Variants in MARCHF1 observed in about 807,000 individuals in gnomAD.
MARCHF1 encodes E3 ubiquitin-protein ligase MARCHF1.
In MARCHF1, 40 loss-of-function variants were observed where a neutral mutation model predicts 54.2. The observed-to-expected ratio is 0.74, with a 90% confidence interval of 0.57 to 0.96. The LOEUF is 0.96. Among genes scored for constraint, MARCHF1 ranks in the 40% least tolerant of loss-of-function variants. MARCHF1 has a pLI of 0.00. For missense variants in MARCHF1, 586 were observed against 656.5 expected (o/e 0.89, Z 1.17); for synonymous variants, 236 against 236.3 (o/e 1.00, Z 0.01).
At chr4:164,149,224 C>A (rs537836146) in intron 1 of MARCHF1, among the ~76,000 whole-genome samples, 3 of 152,266 alleles carry the variant, frequency 2.0e-5, no homozygotes, top group African/African-American at 7.2e-5. Context: ...TTTGTACATC[C>A]TGCAGAACTG....
At chr4:164,136,874 G>GA (rs1479302923) in intron 1 of MARCHF1, among the ~76,000 whole-genome samples, 1 of 152,204 alleles carries the variant, frequency 6.6e-6, no homozygotes, top group East Asian at 1.9e-4. Flanking sequence ...TGGAAGAGAA[G>GA]AGGGGTAGGA....
rs1554008879 is a variant in MARCHF1 at position 163,733,258 on chromosome 4, T to TATATATACACATGTATATATATACAC, written c.112-32396_112-32395insGTGTATATATATACATGTGTATATAT. Among the ~76,000 whole-genome samples the TATATATACACATGTATATATATACAC allele has an allele frequency of 1.6e-4, 7 of 45,064 alleles. No individual in the cohort carries two copies. The East Asian group carries it at 2.7e-3, about 18-fold the overall frequency. The allele number at this position is 45,064 out of a possible 152,430, so 29.6% of individuals were successfully genotyped here. A position where few individuals can be genotyped will look rare whatever the true frequency, so the allele number is the denominator to read the frequency against. The stretch of plus-strand genomic sequence containing the variant: ...ATATATATACACGTGTATATATATA[T>TATATATACACATGTATATATATACAC]ACACACACACACACACACAGACACA... On this transcript the variant is annotated intron_variant, in intron 4 of 9. Coordinates refer to ENST00000514618, the MANE Select transcript of MARCHF1 (RefSeq NM_001394959.1).
intron 1 of MARCHF1, among the ~76,000 whole-genome samples, chr4:164,170,808 C>T (rs375300207): frequency 4.6e-5 from 7 of 152,120 alleles, no homozygotes; most frequent in South Asian, 2.1e-4. Context: ...AACTAATGGA[C>T]GAAATCACTG....
intron 2 of MARCHF1, among the ~76,000 whole-genome samples, chr4:164,054,250 G>A (rs1299429123): frequency 1.3e-5 from 2 of 151,986 alleles, no homozygotes; most frequent in South Asian, 2.1e-4. Flanking sequence ...AGTTAGAATG[G>A]CAATCATTAA....
intron 8 of MARCHF1, among the ~76,000 whole-genome samples, chr4:163,564,793 A>T (rs1317278346): frequency 6.6e-6 from 1 of 152,186 alleles, no homozygotes; most frequent in African/African-American, 2.4e-5. Flanking sequence ...AGCAGAAAAG[A>T]GTCAGATGTT....
At position 164,220,648 on chromosome 4, in the gene MARCHF1, CATATATGTAATATATATGCTATATGT is replaced by C. The variant is rs1560959903; in HGVS notation, c.-322-109012_-322-108987del. 9.3e-3 allele frequency among the ~76,000 whole-genome samples: 1,210 copies of C among 130,336 alleles called. 23 individuals are homozygous for C. The highest frequency in any genetic ancestry group is 0.032 in the African/African-American group (1,127 of 35,064). The allele number at this position is 130,336 out of a possible 152,430, so 85.5% of individuals were successfully genotyped here. Reference sequence around the variant, plus strand: ...ATATGTAATATATATGCTATATATGCATATATGTAATATATATGCTATATGTATATATGTAATATATATGCTATATA... The same window carrying C: ...ATATGTAATATATATGCTATATATGCATATATGTAATATATATGCTATATA... On this transcript the variant is annotated intron_variant, in intron 1 of 9. Transcript: ENST00000514618.
chr4:163,897,295 C>G (rs1750831183), intron 3 of MARCHF1, among the ~76,000 whole-genome samples: 1 of 152,188 alleles, frequency 6.6e-6, no homozygotes, highest in African/African-American at 2.4e-5. Flanking sequence ...AACCCATCAT[C>G]TTTTTCTGTG....
chr4:164,294,597 T>C (rs1734366224), intron 1 of MARCHF1, among the ~76,000 whole-genome samples: 1 of 152,200 alleles, frequency 6.6e-6, no homozygotes, highest in Non-Finnish European at 1.5e-5. Flanking sequence ...CCTGCCTCTA[T>C]GAAATCTTGT....
chr4:164,037,142 G>A (rs1210426712), intron 2 of MARCHF1, among the ~76,000 whole-genome samples: 37 of 152,062 alleles, frequency 2.4e-4, no homozygotes, highest in Admixed American at 2.4e-3. Flanking sequence ...TTCTGAGGGT[G>A]GAAAAGACAT....
intron 4 of MARCHF1, among the ~76,000 whole-genome samples, chr4:163,798,250 C>A (rs1459842058): frequency 6.6e-6 from 1 of 151,966 alleles, no homozygotes; most frequent in Non-Finnish European, 1.5e-5. Flanking sequence ...AGAGGAAGAA[C>A]CATTGTGAGG....
At chr4:163,903,893 G>A (rs1254605295) in intron 3 of MARCHF1, among the ~76,000 whole-genome samples, 1 of 152,116 alleles carries the variant, frequency 6.6e-6, no homozygotes. Context: ...TAGTATTACA[G>A]GCATGAGCCA....
chr4:164,221,298 G>C (rs772530489), intron 1 of MARCHF1, among the ~76,000 whole-genome samples: 1 of 151,694 alleles, frequency 6.6e-6, no homozygotes, highest in Non-Finnish European at 1.5e-5. Flanking sequence ...AAAACATTAG[G>C]GAGATCAGGT....
Position 163,603,300 on chromosome 4 carries a change from C to G in MARCHF1, c.1010+8971G>C, listed in dbSNP as rs140929053. ...TTCATCTGAAGATACACATACGAAA[C>G]TGGGAAAACAGAAAATCTAAATGTT... On this transcript the variant is annotated intron_variant, in intron 7 of 9. Transcript: ENST00000514618. Among the ~76,000 whole-genome samples, 831 of 147,132 alleles carry G rather than the reference C, an allele frequency of 5.6e-3. 30 individuals are homozygous for G. Among genetic ancestry groups the G allele is most frequent in the Admixed American group, 0.048 (699 of 14,518 alleles).
At chr4:163,619,370 C>T (rs1430699979) in intron 5 of MARCHF1, among the ~76,000 whole-genome samples, 1 of 151,922 alleles carries the variant, frequency 6.6e-6, no homozygotes, top group African/African-American at 2.4e-5. Context: ...AATCAAATCC[C>T]AACAGGTTGT....
chr4:164,317,887 G>A (rs1396325065), intron 1 of MARCHF1, among the ~76,000 whole-genome samples: 1 of 152,128 alleles, frequency 6.6e-6, no homozygotes, highest in African/African-American at 2.4e-5. Context: ...CATACTCAAT[G>A]TGAATTAGGT....
chr4:164,334,525 G>GA (rs35268697), intron 1 of MARCHF1, among the ~76,000 whole-genome samples: 5,827 of 149,120 alleles, frequency 0.039, 386 homozygotes, highest in African/African-American at 0.14. Flanking sequence ...CTACTGCTCA[G>GA]AAAAAAAAAA....
rs555839325 is a variant in MARCHF1, at chr4:164,117,276, T to A, written c.-322-5614A>T. On this transcript the variant is annotated intron_variant, in intron 1 of 9. Coordinates refer to ENST00000514618, the MANE Select transcript of MARCHF1 (RefSeq NM_001394959.1). ...CAGTCTCAAAAAAATAAAAAATAAA[T>A]AAATAAATAAACAATAGAATAATTT... 7.1e-4 allele frequency among the ~76,000 whole-genome samples: 108 copies of A among 151,894 alleles called. 1 individual carries two copies. The highest frequency in any genetic ancestry group is 2.5e-3 in the African/African-American group (102 of 41,388).
At chr4:164,080,684 A>ATG (rs768037569) in intron 2 of MARCHF1, among the ~76,000 whole-genome samples, 17 of 149,468 alleles carry the variant, frequency 1.1e-4, no homozygotes, top group African/African-American at 4.2e-4. Context: ...ATATATATAT[A>ATG]TGTGTGTGTA....
chr4:164,371,267 G>A (rs1731030433), intron 1 of MARCHF1, among the ~76,000 whole-genome samples: 1 of 152,014 alleles, frequency 6.6e-6, no homozygotes. Context: ...ATTCCAACTG[G>A]GCCAAAGACC....
Sources: allele counts gnomAD v4.1 joint callset (sites outside exome capture counted in the v4.1 genomes callset), GRCh38; gene constraint gnomAD v4.1.1; transcripts MANE v1.5; gene names NCBI Gene and HGNC (gene_info 2026-07-23, HGNC 2026-07-21).